CCDC3: variants seen among roughly 807,000 people sequenced by gnomAD.
CCDC3 encodes coiled-coil domain-containing protein 3.
A neutral mutation model predicts 21.4 loss-of-function variants in CCDC3; 24 were observed. The ratio of observed to expected loss-of-function variants is 1.12; its 90% CI spans 0.81 to 1.58. The LOEUF is 1.58. Ranked by LOEUF, CCDC3 falls within the 40% of genes most tolerant of loss-of-function variation. CCDC3 has a pLI of 0.00. For missense variants in CCDC3, 425 were observed against 360.9 expected (o/e 1.18, Z -1.44); for synonymous variants, 186 against 166.0 (o/e 1.12, Z -0.93).
At chr10:13,009,388 G>A (rs1446776701) in intron 5 of CCDC3, among the ~76,000 whole-genome samples, 1 of 152,096 alleles carries the variant, frequency 6.6e-6, no homozygotes, top group Non-Finnish European at 1.5e-5. Context: ...AAAAATCCCA[G>A]TGGACTTTTT....
chr10:12,981,990 G>A (rs1835504653), intron 2 of CCDC3, among the ~76,000 whole-genome samples: 1 of 151,660 alleles, frequency 6.6e-6, no homozygotes, highest in South Asian at 2.1e-4. Context: ...GGGCGTGGTG[G>A]CATGTGTCTG....
rs3028902 is a variant in CCDC3, at chr10:12,972,822, T to TAAATAAAATA, written c.549+25506_549+25515dup. On this transcript the variant is annotated intron_variant, in intron 2 of 2. Coordinates refer to ENST00000378825, the MANE Select transcript of CCDC3 (RefSeq NM_031455.4). Reference sequence around the variant, plus strand: ...AAAGAATGAGACTCTGTCTCAAAAATAAATAAAATAAAATAAAATAAGGAA... The same window carrying TAAATAAAATA: ...AAAGAATGAGACTCTGTCTCAAAAATAAATAAAATAAAATAAAATAAAATAAAATAAGGAA... Among the ~76,000 whole-genome samples the TAAATAAAATA allele has an allele frequency of 2.1e-3, 320 of 150,518 alleles. 1 individual carries two copies. The highest frequency in any genetic ancestry group is 0.019 in the East Asian group (95 of 5,058).
intron 2 of CCDC3, among the ~76,000 whole-genome samples, chr10:12,978,983 C>T (rs1835458228): frequency 6.6e-6 from 1 of 152,110 alleles, no homozygotes; most frequent in Non-Finnish European, 1.5e-5. Context: ...CAAATGAGAG[C>T]TGTCATTTCA....
chr10:13,086,343 A>C (rs1429401939), intron 3 of CCDC3, among the ~76,000 whole-genome samples: 1 of 152,264 alleles, frequency 6.6e-6, no homozygotes, highest in South Asian at 2.1e-4. Context: ...TTCCAAAGTT[A>C]GCATAACAAT....
intron 4 of CCDC3, among the ~76,000 whole-genome samples, chr10:13,071,391 G>A (rs961516613): frequency 3.9e-5 from 6 of 152,206 alleles, no homozygotes; most frequent in African/African-American, 1.4e-4. Context: ...TCCAGAGACA[G>A]ATGATAATGG....
chr10:12,959,997 T>C (rs1453559166), intron 2 of CCDC3, among the ~76,000 whole-genome samples: 1 of 151,972 alleles, frequency 6.6e-6, no homozygotes, highest in South Asian at 2.1e-4. Context: ...CTACTAAAAA[T>C]ACAAAAATTA....
chr10:12,962,593 C>G (rs901900178), intron 2 of CCDC3, among the ~76,000 whole-genome samples: 1 of 152,152 alleles, frequency 6.6e-6, no homozygotes, highest in Non-Finnish European at 1.5e-5. Context: ...CAGAGCAAGA[C>G]TCTGTCTCAA....
chr10:13,035,139 C>T (rs1228332891), intron 5 of CCDC3, among the ~76,000 whole-genome samples: 3 of 152,124 alleles, frequency 2.0e-5, no homozygotes, highest in African/African-American at 7.2e-5. Context: ...GTAGAGAACA[C>T]TGATCTCTCT....
chr10:12,974,934 T>C (rs1337702395), intron 2 of CCDC3, among the ~76,000 whole-genome samples: 2 of 152,218 alleles, frequency 1.3e-5, no homozygotes, highest in Non-Finnish European at 2.9e-5. Flanking sequence ...TACCTGGTGT[T>C]TTCTACACAT....
chr10:12,940,252 C>G (rs1251278596), intron 2 of CCDC3, among the ~76,000 whole-genome samples: 17 of 136,826 alleles, frequency 1.2e-4, no homozygotes, highest in African/African-American at 4.7e-4. Context: ...TTTTTTTTCC[C>G]TGAACCAAAC....
chr10:13,022,853 T>C (rs1005554518), intron 5 of CCDC3, among the ~76,000 whole-genome samples: 2 of 152,228 alleles, frequency 1.3e-5, no homozygotes, highest in Admixed American at 1.3e-4. Flanking sequence ...TTGCAAGAGA[T>C]GCAGAATTTT....
chr10:12,932,071 A>G (rs1157211979), intron 2 of CCDC3, among the ~76,000 whole-genome samples: 1 of 152,172 alleles, frequency 6.6e-6, no homozygotes, highest in East Asian at 1.9e-4. Flanking sequence ...ACAAATCTCC[A>G]TTTGTTTAGT....
intron 2 of CCDC3, among the ~76,000 whole-genome samples, chr10:12,969,969 C>T (rs1251951753): frequency 6.6e-6 from 1 of 151,994 alleles, no homozygotes; most frequent in Non-Finnish European, 1.5e-5. Context: ...TCAGTGTATG[C>T]CTATTTAATG....
chr10:13,090,224 G>T (rs1316754383), intron 3 of CCDC3, among the ~76,000 whole-genome samples: 1 of 151,102 alleles, frequency 6.6e-6, no homozygotes, highest in Non-Finnish European at 1.5e-5. Context: ...AAGTAGCTGG[G>T]ACTACAGGTG....
chr10:12,950,269 A>G (rs1040875346), intron 2 of CCDC3, among the ~76,000 whole-genome samples: 22 of 152,242 alleles, frequency 1.4e-4, no homozygotes, highest in Admixed American at 3.9e-4. Flanking sequence ...GAATGCATGA[A>G]TAACTACACA....
At chr10:13,018,999 C>T (rs995498907) in intron 5 of CCDC3, among the ~76,000 whole-genome samples, 29 of 151,606 alleles carry the variant, frequency 1.9e-4, no homozygotes, top group Non-Finnish European at 3.1e-4. Flanking sequence ...TTTGGGAGGC[C>T]GAGGCGGGCG....
intron 5 of CCDC3, among the ~76,000 whole-genome samples, chr10:13,047,227 T>C (rs1055665564): frequency 1.3e-5 from 2 of 152,154 alleles, no homozygotes; most frequent in African/African-American, 4.8e-5. Context: ...TGTGTAGCCT[T>C]AGAAAGTCCT....
At chr10:13,006,078 T>C (rs1257044911), upstream of CCDC3, among the ~76,000 whole-genome samples, 1 of 152,108 alleles carries the variant, frequency 6.6e-6, no homozygotes, top group African/African-American at 2.4e-5. Flanking sequence ...TGGTGTTTCA[T>C]GAACATCAGA....
chr10:13,087,978 A>G (rs1403590564), intron 3 of CCDC3, among the ~76,000 whole-genome samples: 2 of 152,212 alleles, frequency 1.3e-5, no homozygotes, highest in Admixed American at 6.5e-5. Flanking sequence ...GGATTCCACT[A>G]GTTGGTAAAA....
Sources: gnomAD v4.1 joint callset for allele counts (sites outside exome capture counted in the v4.1 genomes callset) on GRCh38, gnomAD v4.1.1 for gene constraint, MANE v1.5 for transcripts, NCBI Gene and HGNC (gene_info 2026-07-23, HGNC 2026-07-21) for gene names.